Variants in PDE4D observed in about 807,000 individuals in gnomAD.
The protein encoded by PDE4D is phosphodiesterase 4D.
In PDE4D, 24 loss-of-function variants were observed where a neutral mutation model predicts 87.4. The observed-to-expected ratio is 0.27, with a 90% CI of 0.20 to 0.39. The LOEUF is 0.39. Among genes scored for constraint, PDE4D ranks in the 10% least tolerant of loss-of-function variants. The pLI is 1.00. For missense variants in PDE4D, 714 were observed against 1,041.0 expected (o/e 0.69, Z 4.32); for synonymous variants, 384 against 383.2 (o/e 1.00, Z -0.02).
chr5:59,388,487 G>T (rs1271544788), intron 1 of PDE4D, among the ~76,000 whole-genome samples: 2 of 151,988 alleles, frequency 1.3e-5, no homozygotes, highest in Non-Finnish European at 2.9e-5. Context: ...TCACTACTAG[G>T]TATATATCCA....
intron 1 of PDE4D, among the ~76,000 whole-genome samples, chr5:59,514,559 T>G (rs529993406): frequency 6.6e-6 from 1 of 152,342 alleles, no homozygotes; most frequent in South Asian, 2.1e-4. Context: ...AATCTGTTTT[T>G]AGTGGCTTTG....
In PDE4D at chr5:59,181,573, A is replaced by ATATATAT. The variant is rs1162609708; in HGVS notation, c.759-930_759-929insATATATA. Among the ~76,000 whole-genome samples the ATATATAT allele has an allele frequency of 3.4e-4, 29 of 85,176 alleles. 1 individual carries two copies. Among genetic ancestry groups the ATATATAT allele is most frequent in the South Asian group, 2.9e-3 (8 of 2,796 alleles). The allele number at this position is 85,176 out of a possible 152,430, so 55.9% of individuals were successfully genotyped here. ...ATATATATATATATATATATATATT[A>ATATATAT]GGTATATAATAATTATATATATATT... On this transcript the variant is annotated intron_variant, in intron 4 of 14. Transcript: ENST00000340635.
At chr5:59,768,341 C>G (rs1351200073) in intron 1 of PDE4D, 1 of 1,598,214 alleles carries the variant, frequency 6.3e-7, no homozygotes. Context: ...GGAGAGATCA[C>G]TGGAGAGAGC....
intron 1 of PDE4D, among the ~76,000 whole-genome samples, chr5:60,292,378 C>T (rs1386852872): frequency 1.3e-5 from 2 of 152,146 alleles, no homozygotes; most frequent in Admixed American, 6.5e-5. Context: ...CATTTCGAGA[C>T]ATCAAATAAC....
At chr5:59,224,291 CAT>C (rs1377855273) in intron 1 of PDE4D, among the ~76,000 whole-genome samples, 43 of 123,276 alleles carry the variant, frequency 3.5e-4, no homozygotes, top group Non-Finnish European at 6.0e-4. Context: ...TACACACACA[CAT>C]ACACACACAC....
intron 1 of PDE4D, chr5:59,768,758 A>C (rs1401474836): frequency 1.2e-6 from 1 of 857,530 alleles, no homozygotes; most frequent in African/African-American, 1.7e-5. Context: ...AAGCTCGCAT[A>C]GCAAATGAAC....
intron 1 of PDE4D, among the ~76,000 whole-genome samples, chr5:59,362,258 T>C (rs1782339195): frequency 6.6e-6 from 1 of 152,220 alleles, no homozygotes; most frequent in African/African-American, 2.4e-5. Context: ...GTTAGAAACA[T>C]CTTTAAGTTC....
At chr5:60,282,202 A>AACATATATATAT (rs1751981793) in intron 1 of PDE4D, among the ~76,000 whole-genome samples, 1 of 93,716 alleles carries the variant, frequency 1.1e-5, no homozygotes, top group African/African-American at 5.0e-5. Flanking sequence ...ACAAGAGAGA[A>AACATATATATAT]ATAAACATAT....
chr5:59,215,976 G>T lies in PDE4D; in HGVS notation c.456-8C>A. On this transcript the variant is annotated splice_region_variant and splice_polypyrimidine_tract_variant and intron_variant, in intron 1 of 14. Transcript: ENST00000340635. ...CCATTGTCCACATCAAAACTGTAAA[G>T]GAAGGAGAAGGAATTATGTTGCTGT... 1 of 1,594,066 alleles carries T rather than the reference G, an allele frequency of 6.3e-7. No homozygotes were observed. Among genetic ancestry groups the T allele is most frequent in the Non-Finnish European group, 8.6e-7 (1 of 1,165,930 alleles).
chr5:59,580,159 A>G (rs992765874), intron 1 of PDE4D, among the ~76,000 whole-genome samples: 2 of 152,186 alleles, frequency 1.3e-5, no homozygotes, highest in African/African-American at 2.4e-5. Flanking sequence ...CACAAGAACA[A>G]TATGGTGGAT....
At chr5:59,494,351 T>C (rs1806762465) in intron 1 of PDE4D, among the ~76,000 whole-genome samples, 1 of 152,190 alleles carries the variant, frequency 6.6e-6, no homozygotes, top group Non-Finnish European at 1.5e-5. Flanking sequence ...AAATAAATAC[T>C]AGCAAGACTA....
At chr5:59,478,610 T>C (rs1020917997) in intron 1 of PDE4D, among the ~76,000 whole-genome samples, 1 of 152,096 alleles carries the variant, frequency 6.6e-6, no homozygotes, top group African/African-American at 2.4e-5. Flanking sequence ...CAAAATCCTT[T>C]TAGAAAACAG....
chr5:59,281,537 G>C (rs1765799390), intron 1 of PDE4D, among the ~76,000 whole-genome samples: 1 of 152,026 alleles, frequency 6.6e-6, no homozygotes, highest in Non-Finnish European at 1.5e-5. Flanking sequence ...TAAATATTAA[G>C]TATTTTTTAT....
At chr5:60,498,656 A>G (rs935308221) in intron 1 of PDE4D, among the ~76,000 whole-genome samples, 1 of 152,168 alleles carries the variant, frequency 6.6e-6, no homozygotes, top group Non-Finnish European at 1.5e-5. Context: ...CCAAACAGCA[A>G]CACTGGGCTG....
At chr5:59,917,020 T>A in intron 3 of PDE4D, among the ~76,000 whole-genome samples, 1 of 143,090 alleles carries the variant, frequency 7.0e-6, no homozygotes, top group East Asian at 2.1e-4. Context: ...GCCAGGCTGG[T>A]CTTGAACTAT....
intron 2 of PDE4D, among the ~76,000 whole-genome samples, chr5:60,095,478 C>A: frequency 6.6e-6 from 1 of 152,114 alleles, no homozygotes; most frequent in East Asian, 1.9e-4. Flanking sequence ...GGTTCCAAGT[C>A]TTTGCTATTG....
intron 2 of PDE4D, among the ~76,000 whole-genome samples, chr5:60,046,807 A>G (rs1385057477): frequency 6.6e-6 from 1 of 152,050 alleles, no homozygotes; most frequent in Non-Finnish European, 1.5e-5. Flanking sequence ...ATGTTCATCA[A>G]GGATATTGGT....
chr5:59,363,692 G>A (rs1156451282), intron 1 of PDE4D, among the ~76,000 whole-genome samples: 2 of 152,196 alleles, frequency 1.3e-5, no homozygotes, highest in African/African-American at 4.8e-5. Context: ...ACACCACAGA[G>A]GTAATATATG....
At chr5:59,574,084 T>A (rs892967143) in intron 1 of PDE4D, among the ~76,000 whole-genome samples, 7 of 109,774 alleles carry the variant, frequency 6.4e-5, no homozygotes, top group African/African-American at 2.9e-4. Context: ...ATATATATAT[T>A]TATATATATA....
Sources: gnomAD v4.1 joint callset for allele counts (sites outside exome capture counted in the v4.1 genomes callset) on GRCh38, gnomAD v4.1.1 for gene constraint, MANE v1.5 for transcripts, NCBI Gene and HGNC (gene_info 2026-07-23, HGNC 2026-07-21) for gene names.